The following DYM variants were observed in gnomAD, a reference collection of about 807,000 sequenced individuals.
DYM encodes the protein dymeclin.
Under a neutral mutation model 93.1 loss-of-function variants are expected in DYM, and 78 were observed. The ratio of observed to expected loss-of-function variants is 0.84; its 90% CI spans 0.70 to 1.01. The LOEUF is 1.01. Ranked by LOEUF, DYM falls within the 50% of genes least tolerant of loss-of-function variation. The probability of loss-of-function intolerance (pLI) is 0.00; values close to 1 mark genes in which losing one functional copy is unlikely to be tolerated. For synonymous variants in DYM, 321 were observed against 319.7 expected, an observed-to-expected ratio of 1.00 and a Z score of -0.04; for missense variants, 789 against 845.0, an observed-to-expected ratio of 0.93 and a Z score of 0.82.
At chr18:49,125,041 C>T (rs945407788) in intron 15 of DYM, among the ~76,000 whole-genome samples, 36 of 152,130 alleles carry the variant, frequency 2.4e-4, no homozygotes, top group Admixed American at 2.1e-3. Context: ...AGGCGGATCA[C>T]GAGGTCAAGA....
intron 5 of DYM, among the ~76,000 whole-genome samples, chr18:49,370,602 C>G (rs1265018753): frequency 6.6e-6 from 1 of 152,114 alleles, no homozygotes. Context: ...CCCATCTCTA[C>G]TAGAAATATA....
rs1239210193 is a variant in DYM, at chr18:49,045,958, C to A, written c.2026-1754G>T. Among the ~76,000 whole-genome samples the A allele has an allele frequency of 2.0e-5, 3 of 152,222 alleles. No individual in the cohort carries two copies. In the East Asian group the frequency reaches 5.8e-4, roughly 29 times the overall value. On this transcript the variant is annotated intron_variant, in intron 17 of 17. Coordinates refer to ENST00000675505, the MANE Select transcript of DYM (RefSeq NM_001353214.3). ...GCGGGGAGAACTGGAGGGCACAGTG[C>A]AGCAGGCAGAGGCAGGAGCCTAGTC...
chr18:49,245,403 T>C (rs1341969329), intron 13 of DYM, among the ~76,000 whole-genome samples: 2 of 152,202 alleles, frequency 1.3e-5, no homozygotes, highest in Non-Finnish European at 2.9e-5. Context: ...AGGAGAAATA[T>C]TGCTGAATTC....
At chr18:49,353,397 A>G (rs1213524191) in intron 6 of DYM, among the ~76,000 whole-genome samples, 2 of 152,102 alleles carry the variant, frequency 1.3e-5, no homozygotes, top group Non-Finnish European at 2.9e-5. Context: ...TCCTGGGGTA[A>G]AATAAGTAGA....
intron 8 of DYM, among the ~76,000 whole-genome samples, chr18:49,292,606 A>ACAAAAAAACAAAAC (rs1568188832): frequency 1.8e-4 from 13 of 70,508 alleles, no homozygotes; most frequent in African/African-American, 8.5e-4. Flanking sequence ...AAAAAAAAAA[A>ACAAAAAAACAAAAC]AAAAAAAAAA....
In DYM at chr18:49,331,696, G is replaced by A. The variant is rs183062114; in HGVS notation, c.763+168C>T. Reference sequence around the variant, plus strand: ...TTGCATACATTTTACATAAATCACCGCACAAAACAGAAAGATTAATATTTT... The same window carrying A: ...TTGCATACATTTTACATAAATCACCACACAAAACAGAAAGATTAATATTTT... On this transcript the variant is annotated intron_variant, in intron 8 of 17. Coordinates refer to ENST00000675505, the MANE Select transcript of DYM (RefSeq NM_001353214.3). Among the ~76,000 whole-genome samples, 815 of 152,084 alleles carry A rather than the reference G, an allele frequency of 5.4e-3. 13 individuals carry two copies. The highest frequency in any genetic ancestry group is 0.019 in the African/African-American group (773 of 41,414).
At chr18:49,347,811 G>T (rs900428102) in intron 6 of DYM, among the ~76,000 whole-genome samples, 1 of 152,220 alleles carries the variant, frequency 6.6e-6, no homozygotes, top group Admixed American at 6.5e-5. Flanking sequence ...ACCATGCTGA[G>T]TGTGGTGGTT....
intron 13 of DYM, among the ~76,000 whole-genome samples, chr18:49,219,189 T>C (rs1465731327): frequency 6.6e-6 from 1 of 152,062 alleles, no homozygotes; most frequent in African/African-American, 2.4e-5. Context: ...ACATACACCC[T>C]CCCAAGACTA....
intron 15 of DYM, among the ~76,000 whole-genome samples, chr18:49,121,503 CATTTCCTATAAATAATGAAAAAAA>C (rs1325619642): frequency 6.6e-6 from 1 of 152,034 alleles, no homozygotes; most frequent in East Asian, 1.9e-4. Context: ...AATGACTGAG[CATTTCCTATAAATAATGAAAAAAA>C]ATCAAACAGA....
At chr18:49,436,263 G>A in intron 1 of DYM, among the ~76,000 whole-genome samples, 1 of 152,062 alleles carries the variant, frequency 6.6e-6, no homozygotes, top group East Asian at 1.9e-4. Context: ...AGACCCTCTT[G>A]CCTAGGCTTC....
intron 9 of DYM, among the ~76,000 whole-genome samples, chr18:49,284,893 A>G (rs1381694035): frequency 2.0e-5 from 3 of 152,136 alleles, no homozygotes; most frequent in African/African-American, 7.2e-5. Flanking sequence ...TTAATCTCCA[A>G]TGAAATAAAG....
chr18:49,175,414 G>A (rs191682316), intron 14 of DYM, among the ~76,000 whole-genome samples: 3 of 152,214 alleles, frequency 2.0e-5, no homozygotes, highest in Admixed American at 6.5e-5. Flanking sequence ...GACTAATTAC[G>A]TAACAATCTT....
chr18:49,369,500 C>G (rs2066806643), intron 5 of DYM, among the ~76,000 whole-genome samples: 1 of 152,142 alleles, frequency 6.6e-6, no homozygotes, highest in Non-Finnish European at 1.5e-5. Context: ...GGCTTTTTTT[C>G]TGGAGTTCTC....
chr18:49,362,043 T>G (rs1328925608), intron 6 of DYM, among the ~76,000 whole-genome samples: 5 of 151,596 alleles, frequency 3.3e-5, no homozygotes, highest in Non-Finnish European at 7.4e-5. Context: ...TTTTTTTTTT[T>G]TAAGTAGAGA....
At position 49,237,971 on chromosome 18, in the gene DYM, G is replaced by C. The variant is rs534357066; in HGVS notation, c.1460+19039C>G. Among the ~76,000 whole-genome samples, 29 of 150,710 alleles carry C rather than the reference G, an allele frequency of 1.9e-4. 1 individual carries two copies. In the South Asian group the frequency reaches 5.9e-3, roughly 31 times the overall value. On this transcript the variant is annotated intron_variant, in intron 13 of 17. Coordinates refer to ENST00000675505, the MANE Select transcript of DYM (RefSeq NM_001353214.3). ...ATATTTAAGTAGGTCTCTGTTGGTG[G>C]ATATTTGAGTTGTTCCTAATCTTTT...
chr18:49,289,957 G>C (rs1200211652), intron 8 of DYM, among the ~76,000 whole-genome samples: 1 of 151,258 alleles, frequency 6.6e-6, no homozygotes, highest in African/African-American at 2.4e-5. Context: ...TATCAGTAAA[G>C]GTATAGGAAA....
chr18:49,108,781 T>G (rs2081119496), intron 16 of DYM, among the ~76,000 whole-genome samples: 1 of 152,244 alleles, frequency 6.6e-6, no homozygotes, highest in Non-Finnish European at 1.5e-5. Context: ...AATTTTCTGT[T>G]TATTTGCTGT....
intron 5 of DYM, chr18:49,368,680 G>T (rs908845961): frequency 6.6e-6 from 1 of 152,174 alleles, no homozygotes; most frequent in Non-Finnish European, 1.5e-5. Context: ...ACCTGCTGCC[G>T]TGGCAGCCGA....
intron 8 of DYM, among the ~76,000 whole-genome samples, chr18:49,328,150 T>C (rs1431500987): frequency 6.6e-6 from 1 of 152,226 alleles, no homozygotes; most frequent in Non-Finnish European, 1.5e-5. Context: ...ATAAATGAGA[T>C]GCTCAAAACG....
Sources: allele counts gnomAD v4.1 joint callset (sites outside exome capture counted in the v4.1 genomes callset), GRCh38; gene constraint gnomAD v4.1.1; transcripts MANE v1.5; gene names NCBI Gene and HGNC (gene_info 2026-07-23, HGNC 2026-07-21).